ZRSR2: variants seen among roughly 807,000 people sequenced by gnomAD.
ZRSR2 encodes the protein U2 small nuclear ribonucleoprotein auxiliary factor 35 kDa subunit-related protein 2.
ZRSR2 carries 3 observed loss-of-function variants against 39.4 expected under a neutral mutation model. The ratio of observed to expected loss-of-function variants is 0.08; its 90% confidence interval spans 0.03 to 0.20. ZRSR2 has a LOEUF of 0.20. Ranked by LOEUF, ZRSR2 falls within the 10% of genes least tolerant of loss-of-function variation. The probability of loss-of-function intolerance (pLI) is 1.00; values close to 1 mark genes in which losing one functional copy is unlikely to be tolerated. For missense variants in ZRSR2, 256 were observed against 391.5 expected (o/e 0.65, Z 2.92); for synonymous variants, 137 against 136.0 (o/e 1.01, Z -0.05).
At chrX:15,796,166 T>C (rs950341288) in intron 2 of ZRSR2, among the ~76,000 whole-genome samples, 36 of 110,842 alleles carry the variant, frequency 3.2e-4, no homozygotes, top group Admixed American at 5.8e-4. Flanking sequence ...GTAGTTGGGA[T>C]TACAGACACG....
At chrX:15,816,871 T>A (rs112416557) in intron 8 of ZRSR2, among the ~76,000 whole-genome samples, 1,969 of 112,217 alleles carry the variant, frequency 0.018, 39 homozygotes, top group African/African-American at 0.058. Flanking sequence ...CTTTTTATTT[T>A]TTTTTTCCTC....
At position 15,803,770 on chromosome X, in the gene ZRSR2, G is replaced by T; in HGVS notation, c.286G>T (p.Ala96Ser). Residue 96 changes from alanine to serine, a missense_variant, in exon 4 of 11, where the codon GCT becomes TCT. Transcript: ENST00000307771. ...AATAAAGAAGGAAAAGGAAGAGGCG[G>T]CTAAAAAACGGCAAGAAGAACAAGA... ...FRIKKEKEEA[A>S]KKRQEEQERK... 1 of 1,194,409 alleles carries T rather than the reference G, an allele frequency of 8.4e-7. No homozygotes were observed. Among genetic ancestry groups the T allele is most frequent in the African/African-American group, 1.8e-5 (1 of 56,981 alleles).
intron 9 of ZRSR2, among the ~76,000 whole-genome samples, 158 bp downstream of exon 9, chrX:15,818,800 C>T (rs192422195): frequency 5.4e-5 from 6 of 110,260 alleles, no homozygotes; most frequent in East Asian, 2.8e-4. Flanking sequence ...GACGGAGTTT[C>T]GCTCTTGTTG....
chrX:15,805,802 G>T (rs952778731), intron 5 of ZRSR2, among the ~76,000 whole-genome samples: 1 of 109,484 alleles, frequency 9.1e-6, no homozygotes, highest in Admixed American at 9.8e-5. Context: ...GTGGTGATGG[G>T]CGCCTGTAGT....
chrX:15,790,790 C>A, intron 1 of ZRSR2, 144 bp from the exon 2 acceptor site: 2 of 614,548 alleles, frequency 3.3e-6, no homozygotes, highest in South Asian at 2.8e-5. Flanking sequence ...TGATAGATGG[C>A]TGTTCTGTAA....
intron 1 of ZRSR2, 191 bp downstream of exon 1, chrX:15,790,727 G>A: frequency 1.5e-6 from 1 of 655,046 alleles, no homozygotes; most frequent in Non-Finnish European, 2.3e-6. Context: ...AGCGAGGAGA[G>A]GATCAGGTTG....
intron 7 of ZRSR2, among the ~76,000 whole-genome samples, chrX:15,811,071 T>A (rs1932873865): frequency 9.1e-6 from 1 of 109,653 alleles, no homozygotes; most frequent in Non-Finnish European, 1.9e-5. Flanking sequence ...GGAATGTCTG[T>A]GAAAAGAGTC....
intron 5 of ZRSR2, among the ~76,000 whole-genome samples, chrX:15,806,105 A>C (rs1192411954): frequency 9.1e-6 from 1 of 110,335 alleles, no homozygotes; most frequent in African/African-American, 3.3e-5. Context: ...GAAGGCTGAA[A>C]AAAGGCCAGG....
At chrX:15,791,075 C>T (rs996146013) in intron 2 of ZRSR2, 62 bp downstream of exon 2, 3 of 1,019,975 alleles carry the variant, frequency 2.9e-6, no homozygotes, top group African/African-American at 3.7e-5. Context: ...CCAGCCCTAA[C>T]TTGAAGCCCC....
At chrX:15,801,359 G>A in intron 3 of ZRSR2, 1 of 288,108 alleles carries the variant, frequency 3.5e-6, no homozygotes, top group Non-Finnish European at 6.7e-6. Flanking sequence ...CTCCCGAGTA[G>A]CCGGGATTAC....
intron 10 of ZRSR2, among the ~76,000 whole-genome samples, chrX:15,822,289 C>T (rs192288217): frequency 8.9e-6 from 1 of 112,152 alleles, no homozygotes; most frequent in African/African-American, 3.2e-5. Context: ...CGCACCTGGC[C>T]ACGCCTTCTC....
At chrX:15,791,977 T>A (rs1932296530) in intron 2 of ZRSR2, among the ~76,000 whole-genome samples, 1 of 111,970 alleles carries the variant, frequency 8.9e-6, no homozygotes, top group African/African-American at 3.2e-5. Flanking sequence ...GGCTAATTTT[T>A]AAAATTTTCG....
chrX:15,814,874 C>T (rs1569071663), intron 7 of ZRSR2, among the ~76,000 whole-genome samples: 2 of 112,182 alleles, frequency 1.8e-5, no homozygotes, highest in Non-Finnish European at 3.8e-5. Context: ...GTACACAGAT[C>T]AGATTGAATT....
At chrX:15,803,846 A>G (rs746932557) in intron 4 of ZRSR2, 50 bp downstream of exon 4, 1 of 1,164,727 alleles carries the variant, frequency 8.6e-7, no homozygotes, top group East Asian at 3.2e-5. Flanking sequence ...CTTCACCATA[A>G]TAACTCTCAT....
chrX:15,812,119 T>C (rs950825348), intron 7 of ZRSR2, among the ~76,000 whole-genome samples: 29 of 108,389 alleles, frequency 2.7e-4, no homozygotes, highest in Non-Finnish European at 4.8e-4. Flanking sequence ...TTAATATAGA[T>C]GGGGTTTCAC....
rs750977001 is a variant in ZRSR2 at position 15,822,722 on chromosome X, C to G, written c.938-9C>G. The G allele has an allele frequency of 1.7e-6, 2 of 1,211,871 alleles. No individual in the cohort carries two copies. Among genetic ancestry groups the G allele is most frequent in the Admixed American group, 4.3e-5 (2 of 46,109 alleles). ...TGATAAGTGCTGTTTCATCACTGTG[C>G]CATTGCAGGTTTATTTGAAATACAA... On this transcript the variant is annotated splice_polypyrimidine_tract_variant and intron_variant, in intron 10 of 10. Coordinates refer to ENST00000307771, the MANE Select transcript of ZRSR2 (RefSeq NM_005089.4).
intron 2 of ZRSR2, among the ~76,000 whole-genome samples, chrX:15,793,182 C>G (rs1393373186): frequency 8.9e-6 from 1 of 112,327 alleles, no homozygotes; most frequent in African/African-American, 3.2e-5. Context: ...TTCATTTAAT[C>G]TGTTTTATTC....
intron 9 of ZRSR2, 77 bp downstream of exon 9, chrX:15,818,719 T>C: frequency 1.3e-6 from 1 of 780,947 alleles, no homozygotes; most frequent in Non-Finnish European, 1.9e-6. Flanking sequence ...CTGGGATTTT[T>C]CCACTGGATA....
intron 2 of ZRSR2, among the ~76,000 whole-genome samples, chrX:15,794,864 A>G (rs1444106123): frequency 8.9e-6 from 1 of 112,338 alleles, no homozygotes; most frequent in African/African-American, 3.2e-5. Context: ...TCCATAAAAG[A>G]AGTCAAAAGC....
Sources: gnomAD v4.1 joint callset for allele counts (sites outside exome capture counted in the v4.1 genomes callset) on GRCh38, gnomAD v4.1.1 for gene constraint, MANE v1.5 for transcripts, NCBI Gene and HGNC (gene_info 2026-07-23, HGNC 2026-07-21) for gene names.